Variants in HEATR1 observed in about 807,000 individuals in gnomAD.
The protein encoded by HEATR1 is HEAT repeat-containing protein 1.
A neutral mutation model predicts 248.2 loss-of-function variants in HEATR1; 77 were observed. The observed-to-expected ratio is 0.31, with a 90% confidence interval of 0.26 to 0.37. The LOEUF (loss-of-function observed/expected upper bound fraction) is 0.37, where lower values mean the gene tolerates loss of function less well. HEATR1 is among the 10% of genes least tolerant of loss of function. HEATR1 has a pLI of 1.00. For missense variants in HEATR1, 2,420 were observed against 2,504.9 expected, an observed-to-expected ratio of 0.97 and a Z score of 0.72; for synonymous variants, 897 against 923.1, an observed-to-expected ratio of 0.97 and a Z score of 0.51.
chr1:236,594,047 T>G lies in HEATR1; in HGVS notation c.1158A>C (p.Ile386=). 6.2e-7 allele frequency: 1 copy of G among 1,600,700 alleles called. No homozygotes were observed. ...AATGGTCTAAGTTGTTCTTCAGTGA[T>G]ATTTTTGTAAGTATAGCTTCTAAGT... ...KRHLEAILTK[I]SLKNNLDHLL... Residue 386 remains isoleucine (I), a synonymous_variant, in exon 9 of 45, where the codon ATA becomes ATC. Coordinates refer to ENST00000366582, the MANE Select transcript of HEATR1 (RefSeq NM_018072.6).
chr1:236,576,312 A>G lies in HEATR1; in HGVS notation c.2991T>C (p.Ser997=), dbSNP rs1015830581. ...EKKLKSHQKL[S]ETLKNLLSCV... ...AACTAAGTAAGTTTTTCAAAGTTTC[A>G]GACAACTTCTGATGAGATTTCAGTT... is the stretch of plus-strand genomic sequence containing the variant. The change falls in exon 22 of 45, where the codon TCT becomes TCC. Residue 997 remains serine, a synonymous_variant. Coordinates refer to ENST00000366582, the MANE Select transcript of HEATR1 (RefSeq NM_018072.6). 9 of 1,612,316 alleles carry G rather than the reference A, an allele frequency of 5.6e-6. No homozygotes were observed. The highest frequency in any genetic ancestry group is 5.9e-6 in the Non-Finnish European group (7 of 1,179,232).
chr1:236,569,358 T>G (rs1202414462), intron 28 of HEATR1, among the ~76,000 whole-genome samples: 2 of 152,116 alleles, frequency 1.3e-5, no homozygotes, highest in African/African-American at 4.8e-5. Flanking sequence ...TTTCCTTTTC[T>G]GTTTTGTAAG....
In HEATR1 at chr1:236,559,094, G is replaced by A. The variant is rs1663054812; in HGVS notation, c.4812C>T (p.Ile1604=). Reference sequence around the variant, plus strand: ...GCAGGGGATTGCCCACCAGCCCTCTGATCACAGGAATGAATGTCTCTGTGG... The same window carrying A: ...GCAGGGGATTGCCCACCAGCCCTCTAATCACAGGAATGAATGTCTCTGTGG... ...LLPTETFIPV[I]RGLVGNPLPS... Residue 1604 remains isoleucine (I), a synonymous_variant, in exon 35 of 45, where the codon ATC becomes ATT. Coordinates refer to ENST00000366582, the MANE Select transcript of HEATR1 (RefSeq NM_018072.6). 1 of 1,611,308 alleles carries A rather than the reference G, an allele frequency of 6.2e-7. No individual in the cohort carries two copies. The highest frequency in any genetic ancestry group is 8.5e-7 in the Non-Finnish European group (1 of 1,179,126).
intron 17 of HEATR1, among the ~76,000 whole-genome samples, chr1:236,584,317 T>C (rs946875141): frequency 2.0e-5 from 3 of 152,184 alleles, no homozygotes; most frequent in African/African-American, 7.2e-5. Context: ...TCTGGACTAT[T>C]TTTCAAAATA....
At chr1:236,562,724 A>G (rs915072329) in intron 32 of HEATR1, among the ~76,000 whole-genome samples, 1 of 149,872 alleles carries the variant, frequency 6.7e-6, no homozygotes. Context: ...TGCCACCTTT[A>G]AATAGTGAGG....
intron 29 of HEATR1, among the ~76,000 whole-genome samples, chr1:236,568,604 C>CT (rs1453542533): frequency 6.6e-6 from 1 of 152,172 alleles, no homozygotes; most frequent in Admixed American, 6.5e-5. Context: ...AAATTTGTCA[C>CT]TGTAGCTCTA....
intron 31 of HEATR1, among the ~76,000 whole-genome samples, chr1:236,565,038 T>C (rs1320969509): frequency 1.3e-5 from 2 of 152,156 alleles, no homozygotes; most frequent in African/African-American, 4.8e-5. Flanking sequence ...CACTAGCCTA[T>C]AGAATGACTT....
Position 236,576,799 on chromosome 1 carries a change from T to A in HEATR1, c.2906A>T (p.Asp969Val). 6.2e-7 allele frequency: 1 copy of A among 1,613,064 alleles called. No individual in the cohort carries two copies. The highest frequency in any genetic ancestry group is 1.1e-5 in the South Asian group (1 of 90,732). ...GCTTACCTGAATAACATAGGCAGCA[T>A]CTGAAGTGATCTCCTCTGCTTTAGA... Reference protein sequence around the residue: ...LISKAEEITSDAAYVIQDLAT... With the variant: ...LISKAEEITSVAAYVIQDLAT... Residue 969 changes from aspartate (D) to valine (V), a missense_variant, in exon 21 of 45, where the codon GAT (aspartate) becomes GTT (valine). Coordinates refer to ENST00000366582, the MANE Select transcript of HEATR1 (RefSeq NM_018072.6).
intron 19 of HEATR1, among the ~76,000 whole-genome samples, chr1:236,581,978 C>A (rs558223355): frequency 6.6e-6 from 1 of 152,074 alleles, no homozygotes; most frequent in Middle Eastern, 3.4e-3. Context: ...ATTCAACCTA[C>A]CGATTAGTAT....
chr1:236,580,519 C>CTTTTTTTTTT (rs10692063), intron 20 of HEATR1, among the ~76,000 whole-genome samples: 3 of 132,126 alleles, frequency 2.3e-5, no homozygotes, highest in Non-Finnish European at 3.2e-5. Flanking sequence ...ATGTACAGCC[C>CTTTTTTTTTT]TTTTTTTTTT....
Position 236,576,258 on chromosome 1 carries a change from T to C in HEATR1, c.3045A>G (p.Ala1015=). The C allele has an allele frequency of 6.2e-7, 1 of 1,607,852 alleles. No homozygotes were observed. The highest frequency in any genetic ancestry group is 8.5e-7 in the Non-Finnish European group (1 of 1,178,260). The part of the protein sequence containing the change: ...SCVYSCPSYI[A]KDLMKVLQGV... ...CCTGAAGTACTTTCATCAAATCTTTTGCTATATAAGATGGGCAACTATACA... is the reference window on the plus strand; with the variant it reads ...CCTGAAGTACTTTCATCAAATCTTTCGCTATATAAGATGGGCAACTATACA... The change falls in exon 22 of 45, where the codon GCA becomes GCG. Residue 1015 remains alanine (A), a synonymous_variant. Coordinates refer to ENST00000366582, the MANE Select transcript of HEATR1 (RefSeq NM_018072.6).
chr1:236,589,300 C>A (rs561377706), intron 12 of HEATR1, among the ~76,000 whole-genome samples: 2 of 152,112 alleles, frequency 1.3e-5, no homozygotes, highest in African/African-American at 4.8e-5. Flanking sequence ...TTTAACATAT[C>A]GACAAAATAA....
intron 31 of HEATR1, among the ~76,000 whole-genome samples, chr1:236,565,150 G>A (rs1663235629): frequency 6.6e-6 from 1 of 152,150 alleles, no homozygotes; most frequent in South Asian, 2.1e-4. Flanking sequence ...TGAGCTGACT[G>A]CAGGATGGGA....
At chr1:236,602,008 A>G (rs1447272600) in intron 3 of HEATR1, among the ~76,000 whole-genome samples, 3 of 150,604 alleles carry the variant, frequency 2.0e-5, no homozygotes, top group African/African-American at 7.4e-5. Context: ...GCGTAGTGGT[A>G]TGTGCCTGTA....
chr1:236,559,435 A>G (rs1360700232), intron 34 of HEATR1, among the ~76,000 whole-genome samples: 2 of 152,210 alleles, frequency 1.3e-5, no homozygotes, highest in African/African-American at 4.8e-5. Context: ...TATACTTCAT[A>G]CTTTTATTTT....
intron 35 of HEATR1, 121 bp from the exon 36 acceptor site, chr1:236,558,650 C>G: frequency 1.0e-6 from 1 of 965,914 alleles, no homozygotes; most frequent in Non-Finnish European, 1.5e-6. Flanking sequence ...CTGAGTCACA[C>G]AGTCATGCTA....
At chr1:236,553,238 G>A (rs1177896829) in intron 43 of HEATR1, among the ~76,000 whole-genome samples, 2 of 152,196 alleles carry the variant, frequency 1.3e-5, no homozygotes, top group Admixed American at 6.5e-5. Context: ...TTTCTCTCTG[G>A]AGCACAATGA....
intron 26 of HEATR1, 95 bp from the exon 27 acceptor site, chr1:236,571,781 G>T: frequency 1.3e-6 from 1 of 797,474 alleles, no homozygotes; most frequent in Non-Finnish European, 2.1e-6. Context: ...ATTCAATAAG[G>T]AACTCATTCA....
intron 30 of HEATR1, 129 bp downstream of exon 30, chr1:236,566,517 A>G (rs2103130790): frequency 2.8e-6 from 2 of 710,796 alleles, no homozygotes; most frequent in Non-Finnish European, 4.6e-6. Context: ...TTTTTGAAAA[A>G]GGTTCTGAGC....
Sources: allele counts gnomAD v4.1 joint callset (sites outside exome capture counted in the v4.1 genomes callset), GRCh38; gene constraint gnomAD v4.1.1; transcripts MANE v1.5; gene names NCBI Gene and HGNC (gene_info 2026-07-23, HGNC 2026-07-21).